The following METTL6 variants were observed in gnomAD, a reference collection of about 807,000 sequenced individuals.
METTL6 encodes tRNA N(3)-cytidine methyltransferase METTL6.
In METTL6, 22 loss-of-function variants were observed where a neutral mutation model predicts 26.4. The observed-to-expected ratio is 0.83, with a 90% CI of 0.59 to 1.19. METTL6 has a LOEUF of 1.19. Ranked by LOEUF, METTL6 falls within the 50% of genes most tolerant of loss-of-function variation. The pLI is 0.00. For synonymous variants in METTL6, 109 were observed against 116.2 expected (o/e 0.94, Z 0.40); for missense variants, 304 against 324.8 (o/e 0.94, Z 0.49).
chr3:15,403,848 C>T (rs543232276), intron 6 of METTL6, among the ~76,000 whole-genome samples: 1 of 152,096 alleles, frequency 6.6e-6, no homozygotes, highest in Non-Finnish European at 1.5e-5. Flanking sequence ...TGATTATATG[C>T]TAAACAAGGG....
intron 6 of METTL6, among the ~76,000 whole-genome samples, chr3:15,398,272 C>G (rs1325523651): frequency 6.6e-6 from 1 of 152,024 alleles, no homozygotes; most frequent in Non-Finnish European, 1.5e-5. Context: ...TGGCTCACTG[C>G]AATCTTTGCC....
At chr3:15,382,910 T>A (rs1228654961) in exon 7 of METTL6, 1 of 152,292 alleles carries the variant, frequency 6.6e-6, no homozygotes, top group African/African-American at 2.4e-5. Context: ...ATTTCACTTA[T>A]ACGTGGAATT....
At chr3:15,419,855 GTT>G (rs1206147141) in intron 3 of METTL6, among the ~76,000 whole-genome samples, 1 of 144,214 alleles carries the variant, frequency 6.9e-6, no homozygotes, top group African/African-American at 2.6e-5. Context: ...TAGGGTAACT[GTT>G]TTTCTTTTTT....
intron 5 of METTL6, chr3:15,413,613 AT>A: frequency 8.5e-7 from 1 of 1,175,160 alleles, no homozygotes; most frequent in Non-Finnish European, 1.1e-6. Flanking sequence ...GATCCAATCA[AT>A]TCTACAGAAA....
At chr3:15,401,893 G>C (rs924070483) in intron 6 of METTL6, among the ~76,000 whole-genome samples, 4 of 152,210 alleles carry the variant, frequency 2.6e-5, no homozygotes, top group African/African-American at 9.6e-5. Flanking sequence ...AGTATACTCA[G>C]TGGGGCAGCC....
At chr3:15,396,182 C>G (rs971248978) in intron 6 of METTL6, among the ~76,000 whole-genome samples, 1 of 152,130 alleles carries the variant, frequency 6.6e-6, no homozygotes, top group Non-Finnish European at 1.5e-5. Context: ...TTCTTAGAGG[C>G]TTTGTTCATT....
chr3:15,421,860 C>T (rs957894725), intron 3 of METTL6, among the ~76,000 whole-genome samples: 1 of 151,984 alleles, frequency 6.6e-6, no homozygotes, highest in African/African-American at 2.4e-5. Context: ...TGCAGTGAGC[C>T]GAGATCGTGC....
chr3:15,401,536 C>CAAAAAAAAAAAA (rs35578326), intron 6 of METTL6, among the ~76,000 whole-genome samples: 1 of 71,858 alleles, frequency 1.4e-5, no homozygotes, highest in Non-Finnish European at 2.7e-5. Context: ...ATGTTCACGC[C>CAAAAAAAAAAAA]AAAAAAAAAA....
In METTL6 at chr3:15,411,041, C is replaced by T; in HGVS notation, c.*215G>A. ...CTGAGTAGCTGGGATTACAGGCACT[C>T]GCCACTATGCCCAGCTAATTTTTTT... On this transcript the variant is annotated 3_prime_UTR_variant, in exon 6 of 6. Transcript: ENST00000383790. The T allele has an allele frequency of 6.6e-6, 3 of 453,844 alleles. No individual in the cohort carries two copies. The highest frequency in any genetic ancestry group is 4.2e-5 in the East Asian group (1 of 23,722). The allele number at this position is 453,844 out of a possible 1,614,324, so 28.1% of individuals were successfully genotyped here.
chr3:15,413,061 A>G (rs868422972), intron 5 of METTL6, among the ~76,000 whole-genome samples: 17 of 152,148 alleles, frequency 1.1e-4, no homozygotes, highest in African/African-American at 3.4e-4. Context: ...CCTGGCCAAC[A>G]TGGCAAAACC....
intron 3 of METTL6, among the ~76,000 whole-genome samples, chr3:15,422,851 C>T (rs566308012): frequency 2.8e-4 from 42 of 152,160 alleles, no homozygotes; most frequent in Non-Finnish European, 4.4e-4. Context: ...ATATTATTGC[C>T]TCATGACAGG....
intron 6 of METTL6, among the ~76,000 whole-genome samples, chr3:15,400,505 AAGAAAAT>A (rs1212445426): frequency 6.6e-6 from 1 of 152,194 alleles, no homozygotes; most frequent in Non-Finnish European, 1.5e-5. Flanking sequence ...CTACAGAAAA[AAGAAAAT>A]ATCCTTAAAG....
intron 6 of METTL6, among the ~76,000 whole-genome samples, chr3:15,393,916 T>G (rs888726956): frequency 1.3e-5 from 2 of 152,220 alleles, no homozygotes; most frequent in Non-Finnish European, 2.9e-5. Flanking sequence ...TTATTGAGGA[T>G]TTTTGCATCG....
At position 15,415,952 on chromosome 3, in the gene METTL6, G is replaced by A; in HGVS notation, c.361-10C>T. On this transcript the variant is annotated splice_polypyrimidine_tract_variant and intron_variant, in intron 3 of 5. Coordinates refer to ENST00000383790, the MANE Select transcript of METTL6 (RefSeq NM_152396.4). ...CATATAAAGGATTTTGCTACAGGGG[G>A]AAGAAATACAAATGAATTTTAATGC... The A allele has an allele frequency of 1.9e-6, 3 of 1,595,266 alleles. No individual in the cohort carries two copies. The highest frequency in any genetic ancestry group is 2.3e-5 in the South Asian group (2 of 88,500).
chr3:15,390,453 A>T lies in METTL6; in HGVS notation c.*12-6266T>A, dbSNP rs1171932489. On this transcript the variant is annotated intron_variant, in intron 6 of 6. Transcript: ENST00000443029. ...AAAAAAGAATAATAATAATAATGAA[A>T]CCACCTTTGCAAAAATTGTAACAGA... Among the ~76,000 whole-genome samples the T allele has an allele frequency of 2.0e-5, 3 of 152,024 alleles. No individual in the cohort carries two copies. The East Asian group carries it at 5.8e-4, about 29-fold the overall frequency.
chr3:15,406,577 AAC>A (rs1238341402), downstream of METTL6, among the ~76,000 whole-genome samples: 19 of 135,038 alleles, frequency 1.4e-4, no homozygotes, highest in African/African-American at 5.3e-4. Context: ...AAAAAAAAAA[AAC>A]AAACAGTTAT....
chr3:15,402,367 C>G (rs1353003955), intron 6 of METTL6, among the ~76,000 whole-genome samples: 2 of 152,076 alleles, frequency 1.3e-5, no homozygotes, highest in African/African-American at 2.4e-5. Flanking sequence ...TTGAAGCTAT[C>G]CTCTTGGGCT....
chr3:15,408,322 C>G (rs1699856628), downstream of METTL6, among the ~76,000 whole-genome samples: 2 of 152,042 alleles, frequency 1.3e-5, no homozygotes, highest in South Asian at 4.1e-4. Context: ...GATTTGTGCA[C>G]TTTTCTGTAT....
intron 2 of METTL6, 93 bp from the exon 3 acceptor site, chr3:15,425,182 A>G: frequency 1.5e-6 from 2 of 1,365,392 alleles, no homozygotes; most frequent in East Asian, 2.3e-5. Context: ...GAGGTCTCCG[A>G]CCCCATGGAG....
Sources: allele counts gnomAD v4.1 joint callset (sites outside exome capture counted in the v4.1 genomes callset), GRCh38; gene constraint gnomAD v4.1.1; transcripts MANE v1.5; gene names NCBI Gene and HGNC (gene_info 2026-07-23, HGNC 2026-07-21).